Variants in CPNE1 observed in about 807,000 individuals in gnomAD.
The protein encoded by CPNE1 is copine-1.
Under a neutral mutation model 63.2 loss-of-function variants are expected in CPNE1, and 58 were observed. The observed-to-expected ratio is 0.92, with a 90% confidence interval of 0.74 to 1.14. CPNE1 has a LOEUF of 1.14. CPNE1 is among the 50% of genes most tolerant of loss of function. The pLI is 0.00. For synonymous variants in CPNE1, 237 were observed against 249.0 expected (o/e 0.95, Z 0.45); for missense variants, 672 against 661.7 (o/e 1.02, Z -0.17).
chr20:35,662,772 C>A (rs2034303860), intron 1 of CPNE1, among the ~76,000 whole-genome samples: 1 of 152,186 alleles, frequency 6.6e-6, no homozygotes, highest in South Asian at 2.1e-4. Context: ...TAACAACTCC[C>A]AAACTCTCAA....
chr20:35,643,146 T>C (rs887330474), intron 1 of CPNE1: 3 of 156,704 alleles, frequency 1.9e-5, no homozygotes, highest in African/African-American at 4.8e-5. Context: ...AAAAGCAGGA[T>C]AGGGCCATCT....
At chr20:35,636,241 A>C (rs547541506) in intron 1 of CPNE1, among the ~76,000 whole-genome samples, 7 of 152,170 alleles carry the variant, frequency 4.6e-5, no homozygotes, top group Non-Finnish European at 7.4e-5. Flanking sequence ...AGCAGAATAC[A>C]TGCTCCCTCA....
intron 13 of CPNE1, among the ~76,000 whole-genome samples, chr20:35,628,125 C>CA (rs1189315178): frequency 3.6e-4 from 53 of 146,416 alleles, no homozygotes; most frequent in East Asian, 7.9e-4. Context: ...ACTAAAAATA[C>CA]AAAAAAAAAA....
intron 1 of CPNE1, chr20:35,654,238 C>T (rs770310447): frequency 6.2e-7 from 1 of 1,614,176 alleles, no homozygotes; most frequent in East Asian, 2.2e-5. Flanking sequence ...CATTCTGTTT[C>T]GTTTCAAAGC....
In CPNE1 at chr20:35,626,570, C is replaced by G; in HGVS notation, c.1470G>C (p.Gln490His). Reference protein sequence around the residue: ...IVQFVPYRRFQNAPREALAQT... With the variant: ...IVQFVPYRRFHNAPREALAQT... The stretch of plus-strand genomic sequence containing the variant: ...GATCAAATTTGCACCTACTCACATT[C>G]TGGAACCGGCGGTAGGGTACAAACT... The change falls in exon 15 of 16, where the codon CAG becomes CAC. Residue 490 changes from glutamine to histidine, a missense_variant. Coordinates refer to ENST00000397443, the MANE Select transcript of CPNE1 (RefSeq NM_152925.3). The G allele has an allele frequency of 6.2e-7, 1 of 1,613,920 alleles. No individual in the cohort carries two copies. Among genetic ancestry groups the G allele is most frequent in the African/African-American group, 1.3e-5 (1 of 75,052 alleles).
At chr20:35,646,052 G>C (rs1321727290) in intron 1 of CPNE1, among the ~76,000 whole-genome samples, 1 of 151,032 alleles carries the variant, frequency 6.6e-6, no homozygotes, top group African/African-American at 2.4e-5. Context: ...AGACCGGCCT[G>C]AGCCACATAG....
At chr20:35,648,034 C>T (rs2033245561) in intron 1 of CPNE1, among the ~76,000 whole-genome samples, 1 of 150,866 alleles carries the variant, frequency 6.6e-6, no homozygotes, top group Non-Finnish European at 1.5e-5. Context: ...CACTGCACTC[C>T]AGCCTGGGCA....
At chr20:35,646,318 CTG>C (rs2033097097) in intron 1 of CPNE1, among the ~76,000 whole-genome samples, 1 of 147,838 alleles carries the variant, frequency 6.8e-6, no homozygotes, top group African/African-American at 2.5e-5. Context: ...ATCCTTCCCA[CTG>C]TGTGACTTGT....
intron 14 of CPNE1, 113 bp from the exon 15 acceptor site, chr20:35,626,916 G>T: frequency 1.1e-6 from 1 of 889,942 alleles, no homozygotes; most frequent in Non-Finnish European, 1.8e-6. Flanking sequence ...GGCCGGGTGC[G>T]ATGGCTCACA....
At chr20:35,631,400 G>C in intron 8 of CPNE1, 46 bp from the exon 9 acceptor site, 1 of 1,607,192 alleles carries the variant, frequency 6.2e-7, no homozygotes, top group Non-Finnish European at 8.5e-7. Flanking sequence ...CAGAGCATCA[G>C]TCAAGGACTC....
chr20:35,642,523 T>C (rs13037217), intron 1 of CPNE1, among the ~76,000 whole-genome samples: 2,000 of 152,304 alleles, frequency 0.013, 24 homozygotes, highest in South Asian at 0.027. Context: ...CCATGGAACA[T>C]TGTTTCCCGT....
chr20:35,642,863 C>G (rs185752148), intron 1 of CPNE1, among the ~76,000 whole-genome samples: 1 of 152,208 alleles, frequency 6.6e-6, no homozygotes, highest in Admixed American at 6.5e-5. Context: ...TATTTGGCAA[C>G]ACTACAAAGC....
chr20:35,647,124 A>C (rs906847833), intron 1 of CPNE1, among the ~76,000 whole-genome samples: 1 of 152,064 alleles, frequency 6.6e-6, no homozygotes, highest in South Asian at 2.1e-4. Context: ...CAGCCTGGCC[A>C]ACATGGTGAA....
In CPNE1 at chr20:35,642,420, T is replaced by C. The variant is rs556429071; in HGVS notation, c.1-9497A>G. 4.6e-5 allele frequency among the ~76,000 whole-genome samples: 7 copies of C among 152,288 alleles called. No homozygotes were observed. In the East Asian group the frequency reaches 5.8e-4, roughly 13 times the overall value. ...AACCAATGTCATGCTCACACTCCTA[T>C]TGCCTACCTTGGCATGCTGGATCAG... On this transcript the variant is annotated intron_variant, in intron 1 of 15. Transcript: ENST00000397443.
chr20:35,641,311 G>A (rs1212568662), intron 1 of CPNE1, among the ~76,000 whole-genome samples: 1 of 152,122 alleles, frequency 6.6e-6, no homozygotes, highest in Non-Finnish European at 1.5e-5. Context: ...CTCAAACCTT[G>A]GACTGTTGTT....
At chr20:35,630,237 G>A (rs2032029739) in intron 13 of CPNE1, among the ~76,000 whole-genome samples, 1 of 152,230 alleles carries the variant, frequency 6.6e-6, no homozygotes. Context: ...GAGGTTGCAA[G>A]TGAGCTAAGA....
At chr20:35,657,839 T>C (rs529344559) in intron 1 of CPNE1, among the ~76,000 whole-genome samples, 117 of 152,192 alleles carry the variant, frequency 7.7e-4, no homozygotes, top group African/African-American at 2.7e-3. Flanking sequence ...GGTGGGTGGA[T>C]CACCCGAGGT....
intron 1 of CPNE1, chr20:35,654,669 A>G: frequency 6.2e-7 from 1 of 1,613,436 alleles, no homozygotes; most frequent in Non-Finnish European, 8.5e-7. Context: ...GAGGCACAGG[A>G]GGCAATGTAG....
chr20:35,654,434 G>C, intron 1 of CPNE1: 1 of 1,614,210 alleles, frequency 6.2e-7, no homozygotes, highest in South Asian at 1.1e-5. Flanking sequence ...TTGATGGGGA[G>C]TGGCTTCACA....
Sources: gnomAD v4.1 joint callset for allele counts (sites outside exome capture counted in the v4.1 genomes callset) on GRCh38, gnomAD v4.1.1 for gene constraint, MANE v1.5 for transcripts, NCBI Gene and HGNC (gene_info 2026-07-23, HGNC 2026-07-21) for gene names.